TMTC2: variants seen among roughly 807,000 people sequenced by gnomAD.
TMTC2 encodes the protein transmembrane O-mannosyltransferase targeting cadherins 2.
In TMTC2, 43 loss-of-function variants were observed where a neutral mutation model predicts 82.4. The observed-to-expected ratio is 0.52, with a 90% CI of 0.41 to 0.67. The LOEUF (loss-of-function observed/expected upper bound fraction) is 0.67. Among genes scored for constraint, TMTC2 ranks in the 30% least tolerant of loss-of-function variants. The probability of loss-of-function intolerance (pLI) is 0.00; values close to 1 mark genes in which losing one functional copy is unlikely to be tolerated. For missense variants in TMTC2, 919 were observed against 1,012.4 expected, an observed-to-expected ratio of 0.91 and a Z score of 1.25; for synonymous variants, 408 against 381.9, an observed-to-expected ratio of 1.07 and a Z score of -0.80.
At chr12:83,031,030 CA>C in intron 9 of TMTC2, 151 bp downstream of exon 9, 1 of 557,982 alleles carries the variant, frequency 1.8e-6, no homozygotes, top group Non-Finnish European at 3.2e-6. Context: ...CCTTCTCATT[CA>C]AAACAGTCCT....
chr12:82,981,822 C>T (rs2137329742), intron 7 of TMTC2, among the ~76,000 whole-genome samples: 1 of 151,884 alleles, frequency 6.6e-6, no homozygotes, highest in South Asian at 2.1e-4. Context: ...GATTTCAGCA[C>T]TTTAACCAAG....
chr12:83,062,908 G>A (rs750073319), intron 11 of TMTC2, among the ~76,000 whole-genome samples: 1 of 151,652 alleles, frequency 6.6e-6, no homozygotes, highest in Non-Finnish European at 1.5e-5. Flanking sequence ...GAATCTCAAC[G>A]CCTCGAAGTT....
intron 1 of TMTC2, among the ~76,000 whole-genome samples, chr12:82,854,049 G>A (rs1333855023): frequency 6.6e-6 from 1 of 151,490 alleles, no homozygotes; most frequent in African/African-American, 2.4e-5. Context: ...TAATTTAATA[G>A]ATCCAGAATA....
chr12:82,728,696 G>A lies in TMTC2; in HGVS notation c.83+41027G>A, dbSNP rs191945211. ...CGCTTGAGGAGCCCTTCAGCATGCC[G>A]CTGCACTATGGGAGCCCCTTTCTGG... On this transcript the variant is annotated intron_variant, in intron 1 of 11. Transcript: ENST00000321196. Among the ~76,000 whole-genome samples, 936 of 152,336 alleles carry A rather than the reference G, an allele frequency of 6.1e-3. 34 individuals carry two copies. Among genetic ancestry groups the A allele is most frequent in the Non-Finnish European group, 1.6e-3 (111 of 68,024 alleles).
At chr12:82,712,983 G>A (rs555188812) in intron 1 of TMTC2, among the ~76,000 whole-genome samples, 1 of 152,240 alleles carries the variant, frequency 6.6e-6, no homozygotes, top group East Asian at 1.9e-4. Context: ...GACTAAAGAG[G>A]TTGACTCTTT....
intron 2 of TMTC2, among the ~76,000 whole-genome samples, chr12:82,866,599 C>T (rs1289151208): frequency 2.0e-5 from 3 of 152,140 alleles, no homozygotes; most frequent in African/African-American, 4.8e-5. Flanking sequence ...GCTCAATTTT[C>T]GATACCTGCT....
intron 1 of TMTC2, among the ~76,000 whole-genome samples, chr12:82,855,111 A>G (rs1288190727): frequency 1.3e-5 from 2 of 152,340 alleles, no homozygotes; most frequent in East Asian, 3.9e-4. Context: ...AGGTAAAACT[A>G]TTATCACAGA....
intron 4 of TMTC2, among the ~76,000 whole-genome samples, chr12:82,958,810 A>G (rs1877758984): frequency 6.6e-6 from 1 of 152,102 alleles, no homozygotes. Context: ...TATTCAACAT[A>G]GTACTGGAAC....
In TMTC2 at chr12:82,899,162, A is replaced by C. The variant is rs1329685365; in HGVS notation, c.1483+2516A>C. Among the ~76,000 whole-genome samples, 4 of 152,268 alleles carry C rather than the reference A, an allele frequency of 2.6e-5. No individual in the cohort carries two copies. In the East Asian group the frequency reaches 5.8e-4, roughly 22 times the overall value. On this transcript the variant is annotated intron_variant, in intron 3 of 11. Transcript: ENST00000321196. ...CACTCCAAAATATTATTAGCTAAAT[A>C]AATGTACAGCTGACCACTACCATGA... is the stretch of plus-strand genomic sequence containing the variant.
intron 11 of TMTC2, among the ~76,000 whole-genome samples, chr12:83,108,001 C>T (rs1300310674): frequency 6.6e-6 from 1 of 151,994 alleles, no homozygotes; most frequent in Non-Finnish European, 1.5e-5. Context: ...GTGTGTAGAA[C>T]CTCCCACTTC....
At chr12:82,999,675 C>T (rs1241927675) in intron 8 of TMTC2, among the ~76,000 whole-genome samples, 1 of 152,042 alleles carries the variant, frequency 6.6e-6, no homozygotes, top group Non-Finnish European at 1.5e-5. Flanking sequence ...TTTTTAAAAC[C>T]ATCATATCTC....
intron 9 of TMTC2, among the ~76,000 whole-genome samples, chr12:83,041,862 A>G (rs1003782044): frequency 6.6e-6 from 1 of 152,194 alleles, no homozygotes; most frequent in Non-Finnish European, 1.5e-5. Context: ...AAATCTCAAC[A>G]TGGCTCATCT....
intron 2 of TMTC2, among the ~76,000 whole-genome samples, chr12:82,894,992 A>G (rs1474160428): frequency 7.3e-6 from 1 of 136,828 alleles, no homozygotes; most frequent in Non-Finnish European, 1.5e-5. Context: ...TTTTTTTAGT[A>G]GAGATGGGGA....
chr12:82,815,443 T>G (rs1868648061), intron 1 of TMTC2, among the ~76,000 whole-genome samples: 1 of 151,754 alleles, frequency 6.6e-6, no homozygotes, highest in African/African-American at 2.4e-5. Flanking sequence ...CCTGAGTAGC[T>G]GGGACTACAG....
chr12:82,905,478 T>C (rs1410281495), intron 3 of TMTC2, among the ~76,000 whole-genome samples: 1 of 152,306 alleles, frequency 6.6e-6, no homozygotes, highest in Non-Finnish European at 1.5e-5. Flanking sequence ...TGAGGAAAAC[T>C]TAAGTGCTAA....
At chr12:82,917,801 A>G (rs886812870) in intron 3 of TMTC2, among the ~76,000 whole-genome samples, 15 of 152,036 alleles carry the variant, frequency 9.9e-5, no homozygotes, top group South Asian at 2.1e-4. Context: ...ACAGGGTTTC[A>G]CCGTGTTAGC....
intron 1 of TMTC2, among the ~76,000 whole-genome samples, chr12:82,770,904 C>G (rs1276659389): frequency 2.0e-5 from 3 of 152,090 alleles, no homozygotes; most frequent in Non-Finnish European, 4.4e-5. Flanking sequence ...ATATTCCTAG[C>G]TAGGAACACA....
At chr12:82,903,684 A>G (rs1319485073) in intron 3 of TMTC2, among the ~76,000 whole-genome samples, 1 of 152,164 alleles carries the variant, frequency 6.6e-6, no homozygotes, top group Non-Finnish European at 1.5e-5. Flanking sequence ...AAGTGCCGGG[A>G]TTACAGGCGT....
intron 11 of TMTC2, among the ~76,000 whole-genome samples, chr12:83,107,505 C>T (rs968546196): frequency 1.3e-5 from 2 of 152,254 alleles, no homozygotes; most frequent in Non-Finnish European, 2.9e-5. Flanking sequence ...CTCATGGGAG[C>T]CCCACCTTGA....
Sources: allele counts gnomAD v4.1 joint callset (sites outside exome capture counted in the v4.1 genomes callset), GRCh38; gene constraint gnomAD v4.1.1; transcripts MANE v1.5; gene names NCBI Gene and HGNC (gene_info 2026-07-23, HGNC 2026-07-21).